The following MOB3B variants were observed in gnomAD, a reference collection of about 807,000 sequenced individuals.
The protein encoded by MOB3B is MOB kinase activator-like 2B.
A neutral mutation model predicts 18.7 loss-of-function variants in MOB3B; 7 were observed. That is an observed-to-expected ratio of 0.37 (90% CI 0.21 to 0.70). The LOEUF is 0.70. Among genes scored for constraint, MOB3B ranks in the 30% least tolerant of loss-of-function variants. The pLI is 0.52. For missense variants in MOB3B, 253 were observed against 281.3 expected, an observed-to-expected ratio of 0.90 and a Z score of 0.72; for synonymous variants, 111 against 99.9, an observed-to-expected ratio of 1.11 and a Z score of -0.66.
At chr9:27,488,696 C>T (rs950700817) in intron 1 of MOB3B, among the ~76,000 whole-genome samples, 1 of 152,222 alleles carries the variant, frequency 6.6e-6, no homozygotes, top group East Asian at 1.9e-4. Flanking sequence ...GTGTGAGCCA[C>T]TGCGCCCTGC....
intron 2 of MOB3B, among the ~76,000 whole-genome samples, chr9:27,385,225 T>C (rs1197214513): frequency 6.6e-6 from 1 of 152,200 alleles, no homozygotes; most frequent in African/African-American, 2.4e-5. Context: ...AATTCTTATA[T>C]TCACGTAACT....
At chr9:27,469,038 G>T (rs1488365667) in intron 1 of MOB3B, among the ~76,000 whole-genome samples, 2 of 152,152 alleles carry the variant, frequency 1.3e-5, no homozygotes, top group Non-Finnish European at 2.9e-5. Context: ...ACCACGCAAA[G>T]ACCTTTACCT....
At chr9:27,437,309 G>A (rs1822524387) in intron 2 of MOB3B, among the ~76,000 whole-genome samples, 1 of 152,148 alleles carries the variant, frequency 6.6e-6, no homozygotes, top group South Asian at 2.1e-4. Flanking sequence ...GAATCTCAGA[G>A]ACCACTAGAG....
intron 2 of MOB3B, among the ~76,000 whole-genome samples, chr9:27,424,489 T>C (rs542790737): frequency 2.0e-5 from 3 of 152,330 alleles, no homozygotes; most frequent in African/African-American, 7.2e-5. Context: ...TCATTTCTCA[T>C]CTGTTCTTAT....
chr9:27,525,021 C>A, intron 1 of MOB3B: 1 of 1,384,112 alleles, frequency 7.2e-7, no homozygotes, highest in Non-Finnish European at 9.7e-7. Context: ...TTCTCCTCCT[C>A]CAACTTCTTT....
chr9:27,502,333 C>T (rs533522782), intron 1 of MOB3B, among the ~76,000 whole-genome samples: 1 of 152,316 alleles, frequency 6.6e-6, no homozygotes, highest in South Asian at 2.1e-4. Context: ...AATACCTCTT[C>T]CCTATTCATA....
At position 27,329,231 on chromosome 9, in the gene MOB3B, A is replaced by G. The variant is rs1820754724; in HGVS notation, c.*1356T>C. On this transcript the variant is annotated 3_prime_UTR_variant, in exon 4 of 4. Transcript: ENST00000262244. The stretch of plus-strand genomic sequence containing the variant: ...AATATTTTGCTAAATTAAAAGGATC[A>G]CTGGAAGTATTATGACCCCCCTCGT... 6.6e-6 allele frequency: 1 copy of G among 152,170 alleles called. No individual in the cohort carries two copies. Among genetic ancestry groups the G allele is most frequent in the African/African-American group, 2.4e-5 (1 of 41,420 alleles). The allele number at this position is 152,170 out of a possible 1,614,324, so 9.4% of individuals were successfully genotyped here.
At chr9:27,499,623 C>T (rs549548132) in intron 1 of MOB3B, among the ~76,000 whole-genome samples, 1 of 152,306 alleles carries the variant, frequency 6.6e-6, no homozygotes, top group East Asian at 1.9e-4. Context: ...TTAACATTTA[C>T]TAATTCGCTT....
intron 1 of MOB3B, among the ~76,000 whole-genome samples, chr9:27,468,093 C>T (rs545304862): frequency 6.6e-6 from 1 of 152,278 alleles, no homozygotes; most frequent in Admixed American, 6.5e-5. Flanking sequence ...CTGTTTAAGA[C>T]ATAACTTACT....
rs141593779 is a variant in MOB3B, at chr9:27,522,516, C to T, written c.-199+7039G>A. Among the ~76,000 whole-genome samples, 34 of 150,728 alleles carry T rather than the reference C, an allele frequency of 2.3e-4. No homozygotes were observed. In the East Asian group the frequency reaches 6.4e-3, roughly 28 times the overall value. ...AAATATAAGCTTGTTTTTTAAACTA[C>T]AAAGTGTATCTATCCAAGTGACCAA... On this transcript the variant is annotated intron_variant, in intron 1 of 3. Coordinates refer to ENST00000262244, the MANE Select transcript of MOB3B (RefSeq NM_024761.5).
At chr9:27,482,869 T>A (rs1819681767) in intron 1 of MOB3B, among the ~76,000 whole-genome samples, 1 of 152,210 alleles carries the variant, frequency 6.6e-6, no homozygotes, top group African/African-American at 2.4e-5. Flanking sequence ...TGGGTTGGCC[T>A]GATAAGGCTG....
At chr9:27,342,152 T>C (rs980328360) in intron 3 of MOB3B, among the ~76,000 whole-genome samples, 1 of 152,092 alleles carries the variant, frequency 6.6e-6, no homozygotes, top group Non-Finnish European at 1.5e-5. Context: ...GCATTTAGCA[T>C]GGGGGTCTTT....
At chr9:27,468,883 A>G (rs943502506) in intron 1 of MOB3B, among the ~76,000 whole-genome samples, 1 of 152,232 alleles carries the variant, frequency 6.6e-6, no homozygotes, top group African/African-American at 2.4e-5. Flanking sequence ...GCTACTGGAC[A>G]TGATGTTTCC....
At chr9:27,454,999 A>T in intron 2 of MOB3B, 134 bp downstream of exon 2, 3 of 928,868 alleles carry the variant, frequency 3.2e-6, no homozygotes, top group South Asian at 1.6e-5. Flanking sequence ...AGGCTCTTAT[A>T]TATCACTCAC....
At position 27,364,114 on chromosome 9, in the gene MOB3B, G is replaced by T. The variant is rs148697486; in HGVS notation, c.419-4878C>A. Among the ~76,000 whole-genome samples, 47 of 152,260 alleles carry T rather than the reference G, an allele frequency of 3.1e-4. No homozygotes were observed. The East Asian group carries it at 8.7e-3, about 28-fold the overall frequency. ...AGCTCAAAAAATGTTTGTTTTAAAA[G>T]AATCCAGCTCAGCAATTGGAAGAAG... On this transcript the variant is annotated intron_variant, in intron 2 of 3. Transcript: ENST00000262244.
At chr9:27,332,373 CAG>C (rs1820802645) in intron 3 of MOB3B, among the ~76,000 whole-genome samples, 1 of 152,060 alleles carries the variant, frequency 6.6e-6, no homozygotes, top group Admixed American at 6.5e-5. Context: ...TTGAGAGAGA[CAG>C]AAAGAGAAGT....
chr9:27,405,671 A>G (rs1821956454), intron 2 of MOB3B, among the ~76,000 whole-genome samples: 1 of 152,216 alleles, frequency 6.6e-6, no homozygotes, highest in African/African-American at 2.4e-5. Flanking sequence ...AGACACAACA[A>G]AAAAAGAAAA....
At chr9:27,435,047 T>C (rs1282847907) in intron 2 of MOB3B, among the ~76,000 whole-genome samples, 2 of 145,892 alleles carry the variant, frequency 1.4e-5, no homozygotes, top group Non-Finnish European at 3.0e-5. Context: ...TGTAAGGTGT[T>C]TCTCTCTCTC....
intron 1 of MOB3B, among the ~76,000 whole-genome samples, chr9:27,492,362 C>A (rs903974842): frequency 2.6e-5 from 4 of 152,044 alleles, no homozygotes; most frequent in Non-Finnish European, 5.9e-5. Flanking sequence ...GAAAAATAAA[C>A]CCTAAGAATA....
Sources: gnomAD v4.1 joint callset for allele counts (sites outside exome capture counted in the v4.1 genomes callset) on GRCh38, gnomAD v4.1.1 for gene constraint, MANE v1.5 for transcripts, NCBI Gene and HGNC (gene_info 2026-07-23, HGNC 2026-07-21) for gene names.